Variants in GPD2 observed in about 807,000 individuals in gnomAD.
The protein encoded by GPD2 is glycerol-3-phosphate dehydrogenase, mitochondrial.
Under a neutral mutation model 82.4 loss-of-function variants are expected in GPD2, and 54 were observed. That is an observed-to-expected ratio of 0.66 (90% confidence interval 0.53 to 0.82). GPD2 has a LOEUF of 0.82. GPD2 is among the 40% of genes least tolerant of loss of function. GPD2 has a pLI of 0.00. For synonymous variants in GPD2, 288 were observed against 306.1 expected (o/e 0.94, Z 0.62); for missense variants, 748 against 896.2 (o/e 0.83, Z 2.11).
At chr2:156,528,584 C>T (rs1432122741) in intron 6 of GPD2, among the ~76,000 whole-genome samples, 1 of 114,764 alleles carries the variant, frequency 8.7e-6, no homozygotes, top group Admixed American at 9.9e-5. Context: ...GCTATCCCTC[C>T]CCCCTCCCCC....
At chr2:156,451,423 A>AC (rs1234439248) in intron 1 of GPD2, among the ~76,000 whole-genome samples, 36 of 109,064 alleles carry the variant, frequency 3.3e-4, no homozygotes, top group East Asian at 1.5e-3. Context: ...CGGGGGGCTG[A>AC]CCCCCCCACC....
At chr2:156,406,470 C>A in the GPD2 span, among the ~76,000 whole-genome samples, 2 of 152,204 alleles carry the variant, frequency 1.3e-5, no homozygotes, top group Admixed American at 1.3e-4. Context: ...CTACACAGTG[C>A]AGACAATTAT....
chr2:156,573,827 T>A (rs1455619600), intron 13 of GPD2, among the ~76,000 whole-genome samples: 1 of 152,106 alleles, frequency 6.6e-6, no homozygotes, highest in East Asian at 1.9e-4. Flanking sequence ...GGTTAGAAAG[T>A]TGGACTTCTG....
intron 6 of GPD2, among the ~76,000 whole-genome samples, chr2:156,538,856 G>C: frequency 6.8e-6 from 1 of 147,774 alleles, no homozygotes; most frequent in Admixed American, 6.8e-5. Flanking sequence ...ATTTTGCCTA[G>C]TAACTATAGA....
chr2:156,475,719 C>T (rs1370996570), intron 1 of GPD2, among the ~76,000 whole-genome samples: 1 of 152,132 alleles, frequency 6.6e-6, no homozygotes, highest in Non-Finnish European at 1.5e-5. Context: ...GCTGGTTCTC[C>T]TTGAGGAGAG....
chr2:156,496,215 G>C lies in GPD2; in HGVS notation c.274G>C (p.Gly92Arg), dbSNP rs1173043815. Residue 92 changes from glycine (G) to arginine (R), a missense_variant and splice_region_variant, in exon 3 of 17, where the codon GGA (glycine) becomes CGA (arginine). Gly to Arg is a moderately radical substitution (Grantham distance 125). Coordinates refer to ENST00000438166, the MANE Select transcript of GPD2 (RefSeq NM_000408.5). ...SGCALDAVTRGLKTALVERDD... is the reference protein window; with the variant it reads ...SGCALDAVTRRLKTALVERDD... Reference sequence around the variant, plus strand: ...CTGTGCGCTAGATGCTGTCACCAGAGGTAAGTCTTTTTTTTTTTTATTTTA... The same window carrying C: ...CTGTGCGCTAGATGCTGTCACCAGACGTAAGTCTTTTTTTTTTTTATTTTA... 22 of 1,602,096 alleles carry C rather than the reference G, an allele frequency of 1.4e-5. 1 individual carries two copies. The East Asian group carries it at 4.7e-4, about 34-fold the overall frequency.
At chr2:156,546,020 G>T (rs1018465963) in intron 6 of GPD2, among the ~76,000 whole-genome samples, 2 of 152,066 alleles carry the variant, frequency 1.3e-5, no homozygotes, top group African/African-American at 4.8e-5. Flanking sequence ...CTTTTTGGTG[G>T]GTAGATTTTA....
intron 9 of GPD2, among the ~76,000 whole-genome samples, chr2:156,564,269 G>T (rs1205227100): frequency 6.6e-6 from 1 of 152,076 alleles, no homozygotes. Flanking sequence ...TCATCCTAAG[G>T]TTGTTTCCCC....
chr2:156,445,946 G>A (rs747398056), intron 1 of GPD2, among the ~76,000 whole-genome samples: 1 of 152,256 alleles, frequency 6.6e-6, no homozygotes, highest in Middle Eastern at 3.4e-3. Flanking sequence ...TTATATCATG[G>A]TCTTTGTTGG....
At position 156,578,905 on chromosome 2, in the gene GPD2, C is replaced by T. The variant is rs781425374; in HGVS notation, c.1784C>T (p.Ala595Val). The T allele has an allele frequency of 1.3e-6, 2 of 1,599,108 alleles. No individual in the cohort carries two copies. Among genetic ancestry groups the T allele is most frequent in the African/African-American group, 2.7e-5 (2 of 74,566 alleles). Residue 595 changes from alanine to valine, a missense_variant, in exon 14 of 17, where the codon GCC (alanine) becomes GTC (valine). Around this residue, in one of 3 missense-constraint regions of GPD2, gnomAD observed 692 missense variants for 809.7 expected, o/e 0.85. Transcript: ENST00000438166. ...CTGTTTTAGGAACAACTTGAAACAG[C>T]CAGGAAGTTTCTATATTATGAAATG... ...DYKKQEQLET[A>V]RKFLYYEMGY... is the part of the protein sequence containing the mutation.
At chr2:156,411,188 A>G in the GPD2 span, among the ~76,000 whole-genome samples, 1 of 152,310 alleles carries the variant, frequency 6.6e-6, no homozygotes, top group South Asian at 2.1e-4. Flanking sequence ...TCAAAAAGTA[A>G]GTAGAAGGCT....
the GPD2 span, among the ~76,000 whole-genome samples, chr2:156,418,000 A>T: frequency 6.6e-6 from 1 of 152,124 alleles, no homozygotes; most frequent in African/African-American, 2.4e-5. Context: ...GCGGATCACG[A>T]GGTCAGGAGT....
upstream of GPD2, among the ~76,000 whole-genome samples, chr2:156,432,588 A>G (rs1207269089): frequency 6.6e-6 from 1 of 152,188 alleles, no homozygotes; most frequent in Non-Finnish European, 1.5e-5. Flanking sequence ...CCATGTTGCT[A>G]CAAAGTGATT....
At chr2:156,484,937 C>T (rs1442226089) in intron 2 of GPD2, among the ~76,000 whole-genome samples, 1 of 152,206 alleles carries the variant, frequency 6.6e-6, no homozygotes, top group African/African-American at 2.4e-5. Context: ...CACCCACCCT[C>T]TGCTTACCAC....
chr2:156,438,243 C>T (rs900370127), intron 1 of GPD2, among the ~76,000 whole-genome samples: 1 of 152,158 alleles, frequency 6.6e-6, no homozygotes, highest in South Asian at 2.1e-4. Context: ...GGCCTTAGGT[C>T]ATCTTTTAAA....
the GPD2 span, among the ~76,000 whole-genome samples, chr2:156,414,331 C>T: frequency 5.3e-5 from 8 of 152,130 alleles, no homozygotes; most frequent in Non-Finnish European, 1.5e-5. Flanking sequence ...CTATGTTTCT[C>T]CATTCTTTAA....
chr2:156,424,294 T>C, the GPD2 span, among the ~76,000 whole-genome samples: 3 of 152,178 alleles, frequency 2.0e-5, no homozygotes, highest in Non-Finnish European at 4.4e-5. Context: ...GCAATAGTAA[T>C]GTTTCCTGAA....
chr2:156,476,062 A>T, intron 1 of GPD2, 36 bp from the exon 2 acceptor site: 1 of 1,052,286 alleles, frequency 9.5e-7, no homozygotes, highest in Non-Finnish European at 1.5e-6. Flanking sequence ...TAACTATCCC[A>T]ATTAACTTCT....
rs187733660 is a variant in GPD2, at chr2:156,448,678, G to A, written c.-9+12165G>A. ...TGAGGAGCAGAGCATTCCAGGTAGA[G>A]GCAGCTGGCCCCAAAACACTAATAG... On this transcript the variant is annotated intron_variant, in intron 1 of 16. Coordinates refer to ENST00000438166, the MANE Select transcript of GPD2 (RefSeq NM_000408.5). Among the ~76,000 whole-genome samples the A allele has an allele frequency of 1.1e-4, 16 of 152,324 alleles. No homozygotes were observed. The East Asian group carries it at 2.5e-3, about 24-fold the overall frequency.
Sources: gnomAD v4.1 joint callset for allele counts (sites outside exome capture counted in the v4.1 genomes callset) on GRCh38, gnomAD v4.1.1 for gene constraint, gnomAD v4.1.1 regional missense constraint, MANE v1.5 for transcripts, NCBI Gene and HGNC (gene_info 2026-07-23, HGNC 2026-07-21) for gene names.